Variants in EFNA5 observed in about 807,000 individuals in gnomAD.
EFNA5 encodes ephrin-A5.
Under a neutral mutation model 22.9 loss-of-function variants are expected in EFNA5, and 5 were observed. The observed-to-expected ratio is 0.22, with a 90% confidence interval of 0.11 to 0.46. The LOEUF is 0.46. Ranked by LOEUF, EFNA5 falls within the 20% of genes least tolerant of loss-of-function variation. EFNA5 has a pLI of 0.99. For synonymous variants in EFNA5, 113 were observed against 112.2 expected, an observed-to-expected ratio of 1.01 and a Z score of -0.04; for missense variants, 237 against 293.3, an observed-to-expected ratio of 0.81 and a Z score of 1.40.
rs189800632 is a variant in EFNA5, at chr5:107,483,023, G to A, written c.126-55514C>T. Among the ~76,000 whole-genome samples, 771 of 152,004 alleles carry A rather than the reference G, an allele frequency of 5.1e-3. 23 individuals are homozygous for A. The highest frequency in any genetic ancestry group is 0.042 in the Admixed American group (644 of 15,260). ...AATGTTTCATATCTCATGAACCTCG[G>A]GAAAACAATTCGTAGAACTAATTAG... On this transcript the variant is annotated intron_variant, in intron 1 of 4. Coordinates refer to ENST00000333274, the MANE Select transcript of EFNA5 (RefSeq NM_001962.3).
At chr5:107,613,527 A>G (rs936860275) in intron 1 of EFNA5, among the ~76,000 whole-genome samples, 6 of 152,090 alleles carry the variant, frequency 3.9e-5, no homozygotes, top group African/African-American at 1.4e-4. Flanking sequence ...TTTCCTCCTG[A>G]CAGATCATGC....
chr5:107,547,872 T>C (rs1748201764), intron 1 of EFNA5, among the ~76,000 whole-genome samples: 1 of 152,198 alleles, frequency 6.6e-6, no homozygotes. Flanking sequence ...TAAGTGCTTT[T>C]GGCTTAAATT....
chr5:107,595,258 T>C (rs1309296722), intron 1 of EFNA5, among the ~76,000 whole-genome samples: 1 of 152,144 alleles, frequency 6.6e-6, no homozygotes, highest in Non-Finnish European at 1.5e-5. Flanking sequence ...GAAATATTAT[T>C]AATCTGTCTC....
intron 1 of EFNA5, among the ~76,000 whole-genome samples, chr5:107,459,511 C>G (rs1749781846): frequency 1.3e-5 from 2 of 152,008 alleles, no homozygotes; most frequent in Non-Finnish European, 1.5e-5. Context: ...TAACTGACAC[C>G]CAGAAAGGTG....
rs761155631 is a variant in EFNA5 at position 107,551,928 on chromosome 5, A to T, written c.125+118561T>A. Among the ~76,000 whole-genome samples, 5 of 152,152 alleles carry T rather than the reference A, an allele frequency of 3.3e-5. 1 individual carries two copies. The South Asian group carries it at 6.2e-4, about 19-fold the overall frequency. ...TTTTAAAAAAAAAAGGCTGTTAAAG[A>T]TTTTACAAAGCTGAAAAAAATCTCC... On this transcript the variant is annotated intron_variant, in intron 1 of 4. Coordinates refer to ENST00000333274, the MANE Select transcript of EFNA5 (RefSeq NM_001962.3).
intron 1 of EFNA5, among the ~76,000 whole-genome samples, chr5:107,590,887 C>A (rs929925066): frequency 1.3e-5 from 2 of 152,130 alleles, no homozygotes; most frequent in Non-Finnish European, 2.9e-5. Context: ...TGTGCATTTT[C>A]CACACCAATA....
At chr5:107,618,544 C>T (rs1749971207) in intron 1 of EFNA5, among the ~76,000 whole-genome samples, 2 of 152,310 alleles carry the variant, frequency 1.3e-5, no homozygotes, top group Non-Finnish European at 2.9e-5. Context: ...ATACATTTGG[C>T]ATAATCTTCA....
intron 2 of EFNA5, among the ~76,000 whole-genome samples, chr5:107,407,540 T>C (rs1451717301): frequency 1.3e-5 from 2 of 152,132 alleles, no homozygotes; most frequent in Admixed American, 6.6e-5. Flanking sequence ...GGGACACTTA[T>C]CAAAAGAAAA....
At chr5:107,537,686 T>A (rs945936983) in intron 1 of EFNA5, among the ~76,000 whole-genome samples, 1 of 152,208 alleles carries the variant, frequency 6.6e-6, no homozygotes, top group Admixed American at 6.5e-5. Context: ...ATTTTACTGA[T>A]GACAAAAGTA....
chr5:107,560,917 G>A (rs1400416568), intron 1 of EFNA5, among the ~76,000 whole-genome samples: 4 of 152,224 alleles, frequency 2.6e-5, no homozygotes, highest in Non-Finnish European at 5.9e-5. Context: ...GTTCTGTAAT[G>A]TGAGCGCCAC....
At chr5:107,627,965 T>C (rs1255173326) in intron 1 of EFNA5, among the ~76,000 whole-genome samples, 3 of 152,168 alleles carry the variant, frequency 2.0e-5, no homozygotes, top group Non-Finnish European at 4.4e-5. Flanking sequence ...AAATAAAGCA[T>C]CAAGATTAAC....
chr5:107,670,868 A>C lies in EFNA5; in HGVS notation c.-255T>G, dbSNP rs1751186706. The C allele has an allele frequency of 1.1e-5, 5 of 468,178 alleles. No individual in the cohort carries two copies. Among genetic ancestry groups the C allele is most frequent in the Admixed American group, 4.0e-5 (1 of 25,162 alleles). 29.0% of individuals were successfully genotyped at this position (468,178 alleles called of 1,614,324 possible). A position where few individuals can be genotyped will look rare whatever the true frequency, so the allele number is the denominator to read the frequency against. ...CACCCCCACTGGAGGGTTCAGGAGG[A>C]AAAAGGAATCACAAGATGGAGAGAA... On this transcript the variant is annotated 5_prime_UTR_variant, in exon 1 of 5. Transcript: ENST00000333274.
At chr5:107,647,845 T>C (rs1019839252) in intron 1 of EFNA5, among the ~76,000 whole-genome samples, 4 of 152,078 alleles carry the variant, frequency 2.6e-5, no homozygotes, top group African/African-American at 4.8e-5. Context: ...AATTTACCCA[T>C]GAAACTGATT....
At chr5:107,544,661 C>T (rs1377518127) in intron 1 of EFNA5, among the ~76,000 whole-genome samples, 2 of 152,094 alleles carry the variant, frequency 1.3e-5, no homozygotes, top group Non-Finnish European at 2.9e-5. Context: ...CAGAATTAAC[C>T]ACTCCCTCCT....
At chr5:107,521,351 A>G (rs1747591885) in intron 1 of EFNA5, among the ~76,000 whole-genome samples, 2 of 151,686 alleles carry the variant, frequency 1.3e-5, no homozygotes, top group African/African-American at 4.8e-5. Context: ...GTACAATGGC[A>G]TGATCATGGC....
At chr5:107,544,894 C>CA (rs1440422078) in intron 1 of EFNA5, among the ~76,000 whole-genome samples, 1 of 152,086 alleles carries the variant, frequency 6.6e-6, no homozygotes, top group African/African-American at 2.4e-5. Context: ...AAACAAACTC[C>CA]AAAAAACTAC....
intron 1 of EFNA5, among the ~76,000 whole-genome samples, chr5:107,564,926 T>G (rs187451468): frequency 6.6e-6 from 1 of 152,310 alleles, no homozygotes; most frequent in African/African-American, 2.4e-5. Context: ...CCACATACCC[T>G]CAGCGTGTGT....
intron 1 of EFNA5, among the ~76,000 whole-genome samples, chr5:107,597,969 TAAC>T (rs1749509550): frequency 6.6e-6 from 1 of 152,210 alleles, no homozygotes; most frequent in Non-Finnish European, 1.5e-5. Context: ...CATGGATCTC[TAAC>T]AACTTCTGTA....
chr5:107,399,349 G>T, intron 2 of EFNA5, among the ~76,000 whole-genome samples: 1 of 146,754 alleles, frequency 6.8e-6, no homozygotes, highest in Non-Finnish European at 1.5e-5. Context: ...GGAAAGGAAA[G>T]GAAAGGAAAG....
Sources: allele counts gnomAD v4.1 joint callset (sites outside exome capture counted in the v4.1 genomes callset), GRCh38; gene constraint gnomAD v4.1.1; transcripts MANE v1.5; gene names NCBI Gene and HGNC (gene_info 2026-07-23, HGNC 2026-07-21).